The following ADGRD1 variants were observed in gnomAD, a reference collection of about 807,000 sequenced individuals.
ADGRD1 encodes the protein adhesion G protein-coupled receptor D1, also known as G-protein coupled receptor 133.
ADGRD1 carries 77 observed loss-of-function variants against 113.4 expected under a neutral mutation model. The ratio of observed to expected loss-of-function variants is 0.68; its 90% confidence interval spans 0.57 to 0.82. The LOEUF (loss-of-function observed/expected upper bound fraction) is 0.82. Ranked by LOEUF, ADGRD1 falls within the 40% of genes least tolerant of loss-of-function variation. ADGRD1 has a pLI of 0.00. For synonymous variants in ADGRD1, 474 were observed against 475.0 expected (o/e 1.00, Z 0.03); for missense variants, 1,036 against 1,139.1 (o/e 0.91, Z 1.30).
intron 6 of ADGRD1, 177 bp downstream of exon 6, chr12:130,987,526 G>A (rs1873850337): frequency 1.6e-6 from 1 of 644,228 alleles, no homozygotes; most frequent in African/African-American, 1.8e-5. Context: ...CTGAGATAGA[G>A]GAGTTAATAA....
chr12:131,007,569 C>T (rs1361062521), intron 12 of ADGRD1, among the ~76,000 whole-genome samples: 1 of 152,194 alleles, frequency 6.6e-6, no homozygotes, highest in Non-Finnish European at 1.5e-5. Flanking sequence ...CCTCACGGAC[C>T]CAGGTGTCTG....
At chr12:131,079,704 G>A (rs1422247829) in intron 14 of ADGRD1, among the ~76,000 whole-genome samples, 1 of 152,076 alleles carries the variant, frequency 6.6e-6, no homozygotes, top group East Asian at 1.9e-4. Flanking sequence ...AGTTCAAGCA[G>A]TTTATGTTTT....
rs924314862 is a variant in ADGRD1 at position 131,136,254 on chromosome 12, G to A, written c.2394+91G>A. ...CTAGGGCTGCAGGGGCAGGAGGGAGGCCTGCCCTCCCGGCCACACCTTAGG... is the reference window on the plus strand; with the variant it reads ...CTAGGGCTGCAGGGGCAGGAGGGAGACCTGCCCTCCCGGCCACACCTTAGG... On this transcript the variant is annotated intron_variant, in intron 22 of 24. Coordinates refer to ENST00000261654, the MANE Select transcript of ADGRD1 (RefSeq NM_198827.5). 8.9e-6 allele frequency: 13 copies of A among 1,468,586 alleles called. No homozygotes were observed. In the African/African-American group the frequency reaches 1.2e-4, roughly 14 times the overall value. 91.0% of individuals were successfully genotyped at this position (1,468,586 alleles called of 1,614,324 possible). A position where few individuals can be genotyped will look rare whatever the true frequency, so the allele number is the denominator to read the frequency against.
intron 13 of ADGRD1, among the ~76,000 whole-genome samples, chr12:131,043,187 T>C (rs978445320): frequency 6.6e-6 from 1 of 152,210 alleles, no homozygotes; most frequent in Admixed American, 6.5e-5. Flanking sequence ...GGCCCGGGGC[T>C]GAGCATGCCG....
intron 20 of ADGRD1, among the ~76,000 whole-genome samples, chr12:131,123,597 G>A (rs1041413412): frequency 2.0e-5 from 3 of 151,766 alleles, no homozygotes; most frequent in Non-Finnish European, 2.9e-5. Flanking sequence ...CAAGGCAGGC[G>A]GATCATGAGG....
intron 13 of ADGRD1, among the ~76,000 whole-genome samples, chr12:131,033,275 G>T (rs1360592725): frequency 6.6e-6 from 1 of 152,164 alleles, no homozygotes; most frequent in African/African-American, 2.4e-5. Flanking sequence ...GGGTGGGGTG[G>T]GAAGGAAGGA....
chr12:131,138,360 CCTGCAGG>C, intron 24 of ADGRD1, 131 bp downstream of exon 24: 1 of 708,442 alleles, frequency 1.4e-6, no homozygotes, highest in South Asian at 1.6e-5. Flanking sequence ...CCCTCTCATG[CCTGCAGG>C]CTGCACGTGC....
At chr12:131,126,326 C>G (rs989316846) in intron 20 of ADGRD1, among the ~76,000 whole-genome samples, 1 of 152,122 alleles carries the variant, frequency 6.6e-6, no homozygotes, top group African/African-American at 2.4e-5. Flanking sequence ...TGCTATGGGA[C>G]AGTGTAGCAA....
At chr12:130,967,435 T>G (rs556981790) in intron 3 of ADGRD1, 317 of 164,752 alleles carry the variant, frequency 1.9e-3, no homozygotes, top group Non-Finnish European at 3.2e-3. Context: ...ATTTTTATTT[T>G]TATTTACTGA....
At chr12:131,106,112 G>A (rs1047081898) in intron 17 of ADGRD1, among the ~76,000 whole-genome samples, 9 of 152,144 alleles carry the variant, frequency 5.9e-5, no homozygotes, top group South Asian at 2.1e-4. Context: ...CACCAGCTAC[G>A]CGCGAGGCAC....
intron 13 of ADGRD1, 100 bp downstream of exon 13, chr12:131,014,440 C>T (rs1469502537): frequency 3.3e-5 from 37 of 1,133,836 alleles, no homozygotes; most frequent in Non-Finnish European, 4.3e-5. Flanking sequence ...TCTCCAACAG[C>T]CTTGGTGCCG....
intron 13 of ADGRD1, among the ~76,000 whole-genome samples, chr12:131,074,363 A>G (rs1489096257): frequency 6.6e-6 from 1 of 152,226 alleles, no homozygotes; most frequent in Non-Finnish European, 1.5e-5. Context: ...AGCAGAGCTC[A>G]GCAGCCCCTG....
chr12:131,120,937 G>T, intron 20 of ADGRD1, 24 bp downstream of exon 20: 1 of 1,607,086 alleles, frequency 6.2e-7, no homozygotes, highest in East Asian at 2.2e-5. Context: ...CCTTGTGGGC[G>T]CAGAGCGGGG....
intron 13 of ADGRD1, among the ~76,000 whole-genome samples, chr12:131,047,920 C>T (rs1883001447): frequency 6.6e-6 from 1 of 152,206 alleles, no homozygotes. Context: ...CTGGCCCCCA[C>T]TTTCAGCCCC....
In ADGRD1 at chr12:131,050,139, C is replaced by G. The variant is rs896536399; in HGVS notation, c.1474-26662C>G. ...GGGAATTCAGTGTGTCCTCCTGGGCCAGCACAAACCTCATCGCCTCTTGGT... is the reference window on the plus strand; with the variant it reads ...GGGAATTCAGTGTGTCCTCCTGGGCGAGCACAAACCTCATCGCCTCTTGGT... On this transcript the variant is annotated intron_variant, in intron 13 of 24. Coordinates refer to ENST00000261654, the MANE Select transcript of ADGRD1 (RefSeq NM_198827.5). The surrounding 1 kb of genome is among the most constrained non-coding windows in gnomAD (Gnocchi z 4.8). Among the ~76,000 whole-genome samples the G allele has an allele frequency of 9.9e-5, 15 of 152,096 alleles. No individual in the cohort carries two copies. Among genetic ancestry groups the G allele is most frequent in the Admixed American group, 6.6e-4 (10 of 15,258 alleles).
Position 130,955,123 on chromosome 12 carries a change from C to CTTTTTTTTTTTTTTTTTTTTTTTTT in ADGRD1, c.103+476_103+477insTTTTTTTTTTTTTTTTTTTTTTTTT, listed in dbSNP as rs71451389. Among the ~76,000 whole-genome samples, 309 of 99,620 alleles carry CTTTTTTTTTTTTTTTTTTTTTTTTT rather than the reference C, an allele frequency of 3.1e-3. 5 individuals are homozygous for CTTTTTTTTTTTTTTTTTTTTTTTTT. Among genetic ancestry groups the CTTTTTTTTTTTTTTTTTTTTTTTTT allele is most frequent in the African/African-American group, 3.7e-3 (85 of 23,100 alleles). The allele number at this position is 99,620 out of a possible 152,430, so 65.4% of individuals were successfully genotyped here. On this transcript the variant is annotated intron_variant, in intron 2 of 24. Coordinates refer to ENST00000261654, the MANE Select transcript of ADGRD1 (RefSeq NM_198827.5). Reference sequence around the variant, plus strand: ...CACAGGTGTGCACCACTACACCCAGCTTTTTTTTTTTTTGTATTTTTAGTA... The same window carrying CTTTTTTTTTTTTTTTTTTTTTTTTT: ...CACAGGTGTGCACCACTACACCCAGCTTTTTTTTTTTTTTTTTTTTTTTTTTTTTTTTTTTTTTGTATTTTTAGTA...
Position 131,084,705 on chromosome 12 carries a change from A to G in ADGRD1, c.1671+42A>G, listed in dbSNP as rs754506184. 3.1e-6 allele frequency: 5 copies of G among 1,607,412 alleles called. No individual in the cohort carries two copies. In the South Asian group the frequency reaches 5.5e-5, roughly 18 times the overall value. The stretch of plus-strand genomic sequence containing the variant: ...AGGGGTCGCGGGACCTGGGGGACGT[A>G]CCATGAGGCTGCAGGTGGGGGCGGG... On this transcript the variant is annotated intron_variant, in intron 15 of 24. Transcript: ENST00000261654. This position sits in a 1 kb window ranked among gnomAD's most constrained non-coding sequence, Gnocchi z 4.5.
chr12:131,108,612 G>C (rs751169217), intron 17 of ADGRD1, 112 bp from the exon 18 acceptor site: 55 of 1,445,608 alleles, frequency 3.8e-5, no homozygotes, highest in Non-Finnish European at 5.0e-5. Flanking sequence ...AAGAAACATG[G>C]TCACATGACC....
At chr12:131,013,462 G>GA (rs1471545551) in intron 12 of ADGRD1, among the ~76,000 whole-genome samples, 1 of 152,072 alleles carries the variant, frequency 6.6e-6, no homozygotes. Context: ...GGGTCTTTGA[G>GA]CCCTCATTCT....
Sources: allele counts gnomAD v4.1 joint callset (sites outside exome capture counted in the v4.1 genomes callset), GRCh38; gene constraint gnomAD v4.1.1; non-coding constraint Gnocchi (gnomAD v3.1); transcripts MANE v1.5; gene names NCBI Gene and HGNC (gene_info 2026-07-23, HGNC 2026-07-21).